Variants in DCBLD1 observed in about 807,000 individuals in gnomAD.
DCBLD1 encodes the protein discoidin, CUB and LCCL domain-containing protein 1.
Under a neutral mutation model 71.5 loss-of-function variants are expected in DCBLD1, and 57 were observed. That is an observed-to-expected ratio of 0.80 (90% CI 0.64 to 0.99). The LOEUF (loss-of-function observed/expected upper bound fraction) is 0.99, where lower values mean the gene tolerates loss of function less well. Among genes scored for constraint, DCBLD1 ranks in the 50% least tolerant of loss-of-function variants. The probability of loss-of-function intolerance (pLI) is 0.00; values close to 1 mark genes in which losing one functional copy is unlikely to be tolerated. For missense variants in DCBLD1, 891 were observed against 923.5 expected (o/e 0.96, Z 0.46); for synonymous variants, 380 against 363.8 (o/e 1.04, Z -0.51).
chr6:117,523,539 T>A (rs954137167), intron 4 of DCBLD1, among the ~76,000 whole-genome samples: 5 of 152,252 alleles, frequency 3.3e-5, no homozygotes, highest in Non-Finnish European at 7.3e-5. Flanking sequence ...AGAACTGTTT[T>A]ACTTTTCTAG....
intron 5 of DCBLD1, among the ~76,000 whole-genome samples, chr6:117,529,178 A>G (rs1778635701): frequency 1.3e-5 from 2 of 152,188 alleles, no homozygotes; most frequent in Non-Finnish European, 2.9e-5. Flanking sequence ...GTGAATCCTT[A>G]TATGAAACAA....
At chr6:117,532,186 A>G (rs1360636079) in intron 5 of DCBLD1, 74 bp from the exon 6 acceptor site, 7 of 1,518,056 alleles carry the variant, frequency 4.6e-6, no homozygotes, top group Non-Finnish European at 6.2e-6. Context: ...TACCACAGAA[A>G]CAAAATAGAA....
intron 2 of DCBLD1, among the ~76,000 whole-genome samples, chr6:117,518,649 C>T (rs1393510024): frequency 6.6e-6 from 1 of 152,174 alleles, no homozygotes; most frequent in Admixed American, 6.5e-5. Flanking sequence ...AAAGACATGT[C>T]TCATATGGTG....
intron 1 of DCBLD1, among the ~76,000 whole-genome samples, chr6:117,500,276 G>T (rs564118473): frequency 6.6e-6 from 1 of 152,330 alleles, no homozygotes; most frequent in East Asian, 1.9e-4. Context: ...TACTTCCATA[G>T]GTTAGAGTGA....
intron 2 of DCBLD1, among the ~76,000 whole-genome samples, chr6:117,513,564 T>C (rs1207522032): frequency 6.6e-6 from 1 of 152,236 alleles, no homozygotes; most frequent in Non-Finnish European, 1.5e-5. Flanking sequence ...GATGGGAATT[T>C]GTGACTGCAA....
At chr6:117,550,336 T>C (rs1197964886), downstream of DCBLD1, among the ~76,000 whole-genome samples, 1 of 152,214 alleles carries the variant, frequency 6.6e-6, no homozygotes, top group Non-Finnish European at 1.5e-5. Flanking sequence ...CCTACACAGC[T>C]AAACCTAAAC....
rs1779505060 is a variant in DCBLD1 at position 117,557,167 on chromosome 6, C to CA, written c.1615+11572dup. Reference sequence around the variant, plus strand: ...CCTAATTTGCCTGAAAGTTTTGTTGCAATCTCCCACTATGATGATAGATTT... The same window carrying CA: ...CCTAATTTGCCTGAAAGTTTTGTTGCAAATCTCCCACTATGATGATAGATTT... On this transcript the variant is annotated intron_variant, in intron 14 of 14. Coordinates refer to the DCBLD1 transcript ENST00000296955. Among the ~76,000 whole-genome samples, 3 of 152,242 alleles carry CA rather than the reference C, an allele frequency of 2.0e-5. 1 individual carries two copies. The highest frequency in any genetic ancestry group is 2.0e-4 in the Admixed American group (3 of 15,286).
At chr6:117,524,200 ATT>A (rs879540380) in intron 4 of DCBLD1, among the ~76,000 whole-genome samples, 13 of 140,928 alleles carry the variant, frequency 9.2e-5, no homozygotes, top group Admixed American at 2.1e-4. Flanking sequence ...TTGAATCCTA[ATT>A]TTTTTTTTTT....
rs1449363585 is a variant in DCBLD1 at position 117,548,047 on chromosome 6, C to T, written c.1756C>T (p.Arg586Cys). Residue 586 changes from arginine (R) to cysteine (C), a missense_variant, in exon 15 of 15, where the codon CGC becomes TGC. By Grantham distance (180) the Arg-to-Cys change is radical. Transcript: ENST00000338728. ...GHYDCPQRAG[R>C]HEYALPLAPP... is the part of the protein sequence containing the mutation. Reference sequence around the variant, plus strand: ...CTATGACTGCCCGCAGCGGGCCGGCCGCCACGAGTACGCGCTGCCCCTGGC... The same window carrying T: ...CTATGACTGCCCGCAGCGGGCCGGCTGCCACGAGTACGCGCTGCCCCTGGC... 9 of 1,549,266 alleles carry T rather than the reference C, an allele frequency of 5.8e-6. No homozygotes were observed. Among genetic ancestry groups the T allele is most frequent in the Admixed American group, 2.0e-5 (1 of 50,934 alleles).
chr6:117,543,049 A>G (rs1292695492), intron 11 of DCBLD1, 75 bp from the exon 12 acceptor site: 6 of 1,238,512 alleles, frequency 4.8e-6, no homozygotes, highest in Admixed American at 1.7e-5. Context: ...TTTCAATTCC[A>G]TGTTCAGTTT....
chr6:117,565,381 A>T (rs1029498552), intron 14 of DCBLD1, among the ~76,000 whole-genome samples: 13 of 152,316 alleles, frequency 8.5e-5, no homozygotes, highest in African/African-American at 2.6e-4. Context: ...TTGTTCTCTG[A>T]TATTATACAA....
At chr6:117,515,016 G>A (rs1210286385) in intron 2 of DCBLD1, among the ~76,000 whole-genome samples, 1 of 142,050 alleles carries the variant, frequency 7.0e-6, no homozygotes, top group African/African-American at 2.6e-5. Flanking sequence ...CTTACAGTTT[G>A]TGGGTTTTTT....
chr6:117,516,359 C>CAA (rs200161442), intron 2 of DCBLD1, among the ~76,000 whole-genome samples: 2 of 102,978 alleles, frequency 1.9e-5, no homozygotes, highest in Non-Finnish European at 4.1e-5. Context: ...GACTCCATCT[C>CAA]AAAAAAAAAA....
At chr6:117,557,784 A>G (rs210630) in intron 14 of DCBLD1, among the ~76,000 whole-genome samples, 71,734 of 152,120 alleles carry the variant, frequency 0.47, 17,663 homozygotes, top group South Asian at 0.63. Flanking sequence ...AAAAATAAAA[A>G]ATATAAAATT....
chr6:117,563,470 C>T, intron 14 of DCBLD1: 6 of 1,354,882 alleles, frequency 4.4e-6, no homozygotes, highest in Non-Finnish European at 6.2e-6. Flanking sequence ...ACCTGTAATC[C>T]CAGCACTTTG....
At position 117,485,236 on chromosome 6, in the gene DCBLD1, C is replaced by T. The variant is rs139184890; in HGVS notation, c.112+2343C>T. On this transcript the variant is annotated intron_variant, in intron 1 of 14. Transcript: ENST00000338728. ...AATTTGTGCAACCTAAAACTCCCTG[C>T]TTCTCTCTCCACCACAAGATTTGCA... Among the ~76,000 whole-genome samples, 43 of 152,330 alleles carry T rather than the reference C, an allele frequency of 2.8e-4. 1 individual carries two copies. The highest frequency in any genetic ancestry group is 1.0e-3 in the African/African-American group (42 of 41,592).
At chr6:117,544,746 C>G (rs1315794756) in intron 13 of DCBLD1, among the ~76,000 whole-genome samples, 169 bp downstream of exon 13, 1 of 151,944 alleles carries the variant, frequency 6.6e-6, no homozygotes, top group East Asian at 1.9e-4. Flanking sequence ...TGTGTTCTGT[C>G]TCTTTATTTT....
chr6:117,549,794 C>T lies in DCBLD1; in HGVS notation c.*1355C>T. 1.0e-6 allele frequency: 1 copy of T among 985,310 alleles called. No homozygotes were observed. Among genetic ancestry groups the T allele is most frequent in the Non-Finnish European group, 1.2e-6 (1 of 829,936 alleles). 61.0% of individuals were successfully genotyped at this position (985,310 alleles called of 1,614,324 possible). A position where few individuals can be genotyped will look rare whatever the true frequency, so the allele number is the denominator to read the frequency against. On this transcript the variant is annotated 3_prime_UTR_variant, in exon 15 of 15. Coordinates refer to ENST00000338728, the MANE Select transcript of DCBLD1 (RefSeq NM_001366458.2). ...CTAATTGTAATAAACTATGCCAAAC[C>T]AAACTGCCCCTGACTCTCACTAGTC... is the stretch of plus-strand genomic sequence containing the variant.
rs1222250344 is a variant in DCBLD1, at chr6:117,548,211, C to A, written c.1920C>A (p.Ser640=). The A allele has an allele frequency of 6.4e-7, 1 of 1,550,564 alleles. No individual in the cohort carries two copies. Among genetic ancestry groups the A allele is most frequent in the Non-Finnish European group, 8.7e-7 (1 of 1,146,972 alleles). ...ACTCCCTCTCCTCGGGCGGCTTCTC[C>A]CCCGTAGCGGGTGTGGGCGCCCAGG... ...HKHSLSSGGF[S]PVAGVGAQDG... is the part of the protein sequence containing the mutation. Residue 640 remains serine (S), a synonymous_variant, in exon 15 of 15, where the codon TCC becomes TCA. Transcript: ENST00000338728.
Sources: gnomAD v4.1 joint callset for allele counts (sites outside exome capture counted in the v4.1 genomes callset) on GRCh38, gnomAD v4.1.1 for gene constraint, MANE v1.5 for transcripts, NCBI Gene and HGNC (gene_info 2026-07-23, HGNC 2026-07-21) for gene names.